Variants in FRYL observed in about 807,000 individuals in gnomAD.
The protein encoded by FRYL is FRY like transcription coactivator.
FRYL carries 150 observed loss-of-function variants against 351.2 expected under a neutral mutation model. That is an observed-to-expected ratio of 0.43 (90% CI 0.37 to 0.49). The LOEUF (loss-of-function observed/expected upper bound fraction) is 0.49, where lower values mean the gene tolerates loss of function less well. FRYL is among the 20% of genes least tolerant of loss of function. The pLI is 0.00. For synonymous variants in FRYL, 1,153 were observed against 1,257.1 expected (o/e 0.92, Z 1.75); for missense variants, 3,036 against 3,619.3 (o/e 0.84, Z 4.13).
intron 1 of FRYL, among the ~76,000 whole-genome samples, chr4:48,761,836 GAGTA>G (rs1487307512): frequency 6.6e-6 from 1 of 152,182 alleles, no homozygotes; most frequent in Non-Finnish European, 1.5e-5. Context: ...TCTTGGTTTT[GAGTA>G]AGTACATTCT....
chr4:48,756,258 ATG>A (rs1302997542), intron 1 of FRYL, among the ~76,000 whole-genome samples: 1 of 151,376 alleles, frequency 6.6e-6, no homozygotes, highest in Non-Finnish European at 1.5e-5. Flanking sequence ...AGGTTCCCCC[ATG>A]TGTTTCCCAA....
chr4:48,728,761 T>C (rs1265300650), intron 1 of FRYL, among the ~76,000 whole-genome samples: 1 of 152,182 alleles, frequency 6.6e-6, no homozygotes, highest in Admixed American at 6.5e-5. Context: ...GCTTCCAAGA[T>C]GGACGAATAG....
intron 3 of FRYL, among the ~76,000 whole-genome samples, chr4:48,675,051 CTTTTTTG>C (rs1207176628): frequency 6.6e-5 from 10 of 152,136 alleles, no homozygotes; most frequent in Non-Finnish European, 1.3e-4. Context: ...TTTCTTTTTT[CTTTTTTG>C]TTTTTTTGAC....
chr4:48,640,418 T>A (rs1445003860), intron 3 of FRYL, among the ~76,000 whole-genome samples: 2 of 152,196 alleles, frequency 1.3e-5, no homozygotes, highest in Non-Finnish European at 2.9e-5. Flanking sequence ...AAAGGCTATA[T>A]ACTGTATGAC....
At chr4:48,775,800 G>C (rs562618643) in intron 1 of FRYL, among the ~76,000 whole-genome samples, 1 of 152,234 alleles carries the variant, frequency 6.6e-6, no homozygotes, top group African/African-American at 2.4e-5. Flanking sequence ...CAGGCACACA[G>C]GTTTTGATCA....
chr4:48,509,137 T>C (rs926472892), intron 59 of FRYL, among the ~76,000 whole-genome samples: 37 of 152,290 alleles, frequency 2.4e-4, no homozygotes, highest in African/African-American at 8.7e-4. Flanking sequence ...AATTAAAAAC[T>C]TCTGTTCATC....
At chr4:48,583,383 C>T (rs1156531372) in intron 19 of FRYL, among the ~76,000 whole-genome samples, 1 of 152,092 alleles carries the variant, frequency 6.6e-6, no homozygotes, top group African/African-American at 2.4e-5. Context: ...GATCTCCTGA[C>T]CTCATGATCT....
At position 48,608,689 on chromosome 4, in the gene FRYL, C is replaced by T. The variant is rs192939100; in HGVS notation, c.572+298G>A. Among the ~76,000 whole-genome samples the T allele has an allele frequency of 1.8e-4, 28 of 152,216 alleles. 1 individual carries two copies. The East Asian group carries it at 4.2e-3, about 23-fold the overall frequency. On this transcript the variant is annotated intron_variant, in intron 9 of 63. Coordinates refer to ENST00000358350, the MANE Select transcript of FRYL (RefSeq NM_015030.2). ...CTGTAAAGAGTTCTTTAAAAAGATT[C>T]TAACAGAATTGTTAAAAATAGGGAA...
At chr4:48,589,627 A>G (rs1296253453) in intron 18 of FRYL, 118 bp downstream of exon 18, 3 of 916,216 alleles carry the variant, frequency 3.3e-6, no homozygotes, top group East Asian at 2.4e-5. Flanking sequence ...TGAAAACTGC[A>G]GCAGATAGAA....
chr4:48,536,900 C>G (rs768225585), intron 47 of FRYL, among the ~76,000 whole-genome samples: 2 of 152,112 alleles, frequency 1.3e-5, no homozygotes, highest in Non-Finnish European at 2.9e-5. Context: ...TGGACATTAT[C>G]ATGGAACAAG....
chr4:48,582,338 G>T (rs568072827), intron 20 of FRYL, among the ~76,000 whole-genome samples, 159 bp downstream of exon 20: 1 of 152,246 alleles, frequency 6.6e-6, no homozygotes, highest in South Asian at 2.1e-4. Flanking sequence ...TTCACTACAG[G>T]AACTATGGGA....
intron 59 of FRYL, among the ~76,000 whole-genome samples, chr4:48,507,586 T>C (rs1300406065): frequency 6.6e-6 from 1 of 152,088 alleles, no homozygotes; most frequent in Non-Finnish European, 1.5e-5. Context: ...CCCGCCCCAG[T>C]GCTTACTCTA....
At chr4:48,737,818 T>G (rs1771612638) in intron 1 of FRYL, among the ~76,000 whole-genome samples, 1 of 152,182 alleles carries the variant, frequency 6.6e-6, no homozygotes, top group Non-Finnish European at 1.5e-5. Context: ...GCTCAACATT[T>G]AAAATCATTA....
At chr4:48,653,681 C>A in intron 3 of FRYL, 1 of 1,251,180 alleles carries the variant, frequency 8.0e-7, no homozygotes, top group South Asian at 1.3e-5. Context: ...AATACCTCAG[C>A]ATTTTTTTTT....
At chr4:48,714,035 A>G (rs376884024) in intron 1 of FRYL, among the ~76,000 whole-genome samples, 4,647 of 151,814 alleles carry the variant, frequency 0.031, 79 homozygotes, top group Admixed American at 0.047. Context: ...GGTACATAAC[A>G]AAATGAAGGC....
intron 8 of FRYL, among the ~76,000 whole-genome samples, chr4:48,609,474 T>G (rs1486899463): frequency 6.6e-6 from 1 of 152,040 alleles, no homozygotes; most frequent in Non-Finnish European, 1.5e-5. Context: ...ATACAAAAAT[T>G]AGCTGAGTGT....
At chr4:48,550,454 T>G (rs1213313703) in intron 38 of FRYL, 138 bp downstream of exon 38, 1 of 588,936 alleles carries the variant, frequency 1.7e-6, no homozygotes, top group Non-Finnish European at 2.9e-6. Flanking sequence ...TGTTTCAGAT[T>G]ATGTTGGAAC....
At chr4:48,779,612 G>T (rs1196803344) in intron 1 of FRYL, among the ~76,000 whole-genome samples, 2 of 152,092 alleles carry the variant, frequency 1.3e-5, no homozygotes, top group South Asian at 2.1e-4. Context: ...AGCCGTGGTC[G>T]CCGGTCTTCC....
chr4:48,541,070 T>C (rs1730042108), intron 45 of FRYL, 110 bp from the exon 46 acceptor site: 1 of 1,065,050 alleles, frequency 9.4e-7, no homozygotes, highest in African/African-American at 1.6e-5. Context: ...AAAAATCATT[T>C]TTCAGTATAT....
Sources: allele counts gnomAD v4.1 joint callset (sites outside exome capture counted in the v4.1 genomes callset), GRCh38; gene constraint gnomAD v4.1.1; transcripts MANE v1.5; gene names NCBI Gene and HGNC (gene_info 2026-07-23, HGNC 2026-07-21).